Variants in CNTNAP2 observed in about 807,000 individuals in gnomAD.
CNTNAP2 encodes contactin-associated protein-like 2.
In CNTNAP2, 98 loss-of-function variants were observed where a neutral mutation model predicts 155.2. The ratio of observed to expected loss-of-function variants is 0.63; its 90% CI spans 0.54 to 0.75. The LOEUF (loss-of-function observed/expected upper bound fraction) is 0.75, where lower values mean the gene tolerates loss of function less well. CNTNAP2 is among the 30% of genes least tolerant of loss of function. CNTNAP2 has a pLI of 0.00. For missense variants in CNTNAP2, 1,727 were observed against 1,688.1 expected (o/e 1.02, Z -0.40); for synonymous variants, 651 against 631.2 (o/e 1.03, Z -0.47).
chr7:147,856,667 A>G (rs894260754), intron 13 of CNTNAP2, among the ~76,000 whole-genome samples: 19 of 150,508 alleles, frequency 1.3e-4, no homozygotes, highest in African/African-American at 4.4e-4. Context: ...TTTTGTTCGT[A>G]TAAGTCAAAA....
Position 146,867,781 on chromosome 7 carries a change from C to CGTTT in CNTNAP2, c.402+27877_402+27878insGTTT, listed in dbSNP as rs57015319. 2.0e-3 allele frequency among the ~76,000 whole-genome samples: 298 copies of CGTTT among 150,756 alleles called. 2 individuals carry two copies. Among genetic ancestry groups the CGTTT allele is most frequent in the African/African-American group, 6.9e-3 (284 of 41,202 alleles). The stretch of plus-strand genomic sequence containing the variant: ...GTTCTCTAATGATCAGTGATAGTGA[C>CGTTT]TTTTTTTTTTCATATGCTCGTTGGC... On this transcript the variant is annotated intron_variant, in intron 3 of 23. Coordinates refer to ENST00000361727, the MANE Select transcript of CNTNAP2 (RefSeq NM_014141.6).
chr7:147,578,404 T>C (rs542093505), intron 12 of CNTNAP2, among the ~76,000 whole-genome samples: 11 of 152,142 alleles, frequency 7.2e-5, no homozygotes, highest in Non-Finnish European at 1.5e-4. Context: ...TGCAATGTCA[T>C]TAAAATGAAT....
chr7:146,259,173 C>T (rs1424733245), intron 1 of CNTNAP2, among the ~76,000 whole-genome samples: 1 of 152,160 alleles, frequency 6.6e-6, no homozygotes, highest in African/African-American at 2.4e-5. Flanking sequence ...GAGGCCTCCC[C>T]AATCATGCAT....
rs547323338 is a variant in CNTNAP2 at position 147,737,880 on chromosome 7, A to C, written c.2098+98574A>C. 2.0e-5 allele frequency among the ~76,000 whole-genome samples: 3 copies of C among 152,282 alleles called. No homozygotes were observed. The South Asian group carries it at 6.2e-4, about 32-fold the overall frequency. On this transcript the variant is annotated intron_variant, in intron 13 of 23. Coordinates refer to ENST00000361727, the MANE Select transcript of CNTNAP2 (RefSeq NM_014141.6). Reference sequence around the variant, plus strand: ...AAGACCATTGGAAAAGTACAATATTAGGGTGGGAGTGACCCGATTTTCCAG... The same window carrying C: ...AAGACCATTGGAAAAGTACAATATTCGGGTGGGAGTGACCCGATTTTCCAG...
chr7:147,274,873 T>A (rs940497371), intron 8 of CNTNAP2, among the ~76,000 whole-genome samples: 2 of 152,014 alleles, frequency 1.3e-5, no homozygotes, highest in African/African-American at 2.4e-5. Context: ...ATGAGTCCAG[T>A]TTTTTTAGGC....
intron 14 of CNTNAP2, among the ~76,000 whole-genome samples, chr7:147,923,784 G>T (rs564262373): frequency 2.6e-5 from 4 of 152,002 alleles, no homozygotes; most frequent in South Asian, 4.2e-4. Context: ...TTCTACCTTG[G>T]TCTCCCAAAA....
In CNTNAP2 at chr7:148,172,342, G is replaced by T; in HGVS notation, c.2874G>T (p.Gly958=). 6.2e-7 allele frequency: 1 copy of T among 1,614,096 alleles called. No homozygotes were observed. Among genetic ancestry groups the T allele is most frequent in the Non-Finnish European group, 8.5e-7 (1 of 1,180,016 alleles). Residue 958 remains glycine (G), a synonymous_variant, in exon 18 of 24, where the codon GGG becomes GGT. Transcript: ENST00000361727. Reference sequence around the variant, plus strand: ...AGGAAAGAGCAAAGGTCACATCTGGGTTCATATCCGGATGCTCGGGCCATT... The same window carrying T: ...AGGAAAGAGCAAAGGTCACATCTGGTTTCATATCCGGATGCTCGGGCCATT... ...DLEERAKVTS[G]FISGCSGHCT...
chr7:148,213,405 A>G (rs1585191690), intron 18 of CNTNAP2, among the ~76,000 whole-genome samples: 1 of 152,082 alleles, frequency 6.6e-6, no homozygotes, highest in Non-Finnish European at 1.5e-5. Flanking sequence ...GACACGCTGC[A>G]CCTGTCACTC....
intron 14 of CNTNAP2, among the ~76,000 whole-genome samples, chr7:147,919,449 C>CTTTCTTTTTTTTTT (rs1800220724): frequency 1.7e-5 from 1 of 58,754 alleles, no homozygotes; most frequent in Non-Finnish European, 2.9e-5. Flanking sequence ...TGTCTGGCTA[C>CTTTCTTTTTTTTTT]TTTTTCTTTC....
chr7:146,651,842 TTGTC>T (rs1266410583), intron 1 of CNTNAP2, among the ~76,000 whole-genome samples: 9 of 152,182 alleles, frequency 5.9e-5, no homozygotes, highest in Admixed American at 3.9e-4. Flanking sequence ...TGCAAAACCA[TTGTC>T]TGTCACAGTA....
intron 21 of CNTNAP2, among the ~76,000 whole-genome samples, chr7:148,330,580 T>C (rs111066475): frequency 0.45 from 60,617 of 133,426 alleles, 13,849 homozygotes; most frequent in African/African-American, 0.62. Context: ...ATGGAGTGGA[T>C]GGATGGAGTG....
chr7:147,409,030 T>C (rs1280000641), intron 10 of CNTNAP2, among the ~76,000 whole-genome samples: 3 of 152,106 alleles, frequency 2.0e-5, no homozygotes, highest in African/African-American at 4.8e-5. Context: ...GAGAAACTGG[T>C]TTCAGAGTAA....
At chr7:147,556,000 G>A (rs1350794739) in intron 11 of CNTNAP2, among the ~76,000 whole-genome samples, 1 of 152,094 alleles carries the variant, frequency 6.6e-6, no homozygotes, top group African/African-American at 2.4e-5. Context: ...CCAGCATTTT[G>A]GCAATCCTGT....
intron 4 of CNTNAP2, among the ~76,000 whole-genome samples, chr7:147,079,835 T>A (rs1800083465): frequency 6.6e-6 from 1 of 152,174 alleles, no homozygotes; most frequent in South Asian, 2.1e-4. Context: ...CCCACGTGTT[T>A]GTCCTTTCAC....
At chr7:146,886,678 A>G (rs755888765) in intron 3 of CNTNAP2, among the ~76,000 whole-genome samples, 29 of 151,560 alleles carry the variant, frequency 1.9e-4, no homozygotes, top group Non-Finnish European at 3.2e-4. Context: ...TTAGTGTGCC[A>G]AGTAGGAATC....
intron 14 of CNTNAP2, among the ~76,000 whole-genome samples, chr7:147,933,494 G>GAGATAGATAGATAGATAGAT (rs71183037): frequency 7.5e-5 from 9 of 120,656 alleles, no homozygotes; most frequent in Admixed American, 9.3e-5. Flanking sequence ...CAGAAAATGT[G>GAGATAGATAGATAGATAGAT]AGATAGATAG....
rs552010995 is a variant in CNTNAP2, at chr7:147,331,467, G to A, written c.1498+31177G>A. Among the ~76,000 whole-genome samples, 8 of 152,018 alleles carry A rather than the reference G, an allele frequency of 5.3e-5. No homozygotes were observed. In the South Asian group the frequency reaches 1.5e-3, roughly 28 times the overall value. ...TCTAAACTTCAGAAGAGATAATTTG[G>A]GAGCACCAATACAGCATTAGCCGTG... On this transcript the variant is annotated intron_variant, in intron 9 of 23. Transcript: ENST00000361727.
intron 1 of CNTNAP2, among the ~76,000 whole-genome samples, chr7:146,594,432 T>TCACACA (rs1798828595): frequency 7.0e-5 from 4 of 57,034 alleles, no homozygotes; most frequent in Non-Finnish European, 1.6e-4. Flanking sequence ...TTACTAGTGT[T>TCACACA]TACACACACA....
At chr7:148,216,806 T>G (rs1435176164) in intron 18 of CNTNAP2, among the ~76,000 whole-genome samples, 1 of 152,214 alleles carries the variant, frequency 6.6e-6, no homozygotes, top group Non-Finnish European at 1.5e-5. Flanking sequence ...AGGGACCTGG[T>G]TGGAAGTAAT....
Sources: gnomAD v4.1 joint callset for allele counts (sites outside exome capture counted in the v4.1 genomes callset) on GRCh38, gnomAD v4.1.1 for gene constraint, MANE v1.5 for transcripts, NCBI Gene and HGNC (gene_info 2026-07-23, HGNC 2026-07-21) for gene names.